The following MFAP3 variants were observed in gnomAD, a reference collection of about 807,000 sequenced individuals.
MFAP3 encodes microfibril-associated glycoprotein 3.
In MFAP3, 8 loss-of-function variants were observed where a neutral mutation model predicts 20.5. That is an observed-to-expected ratio of 0.39 (90% confidence interval 0.23 to 0.70). MFAP3 has a LOEUF of 0.70. MFAP3 is among the 30% of genes least tolerant of loss of function. MFAP3 has a pLI of 0.44. For synonymous variants in MFAP3, 140 were observed against 154.0 expected, an observed-to-expected ratio of 0.91 and a Z score of 0.67; for missense variants, 398 against 444.6, an observed-to-expected ratio of 0.90 and a Z score of 0.94.
chr5:154,050,067 C>G (rs1773152778), intron 2 of MFAP3, 50 bp downstream of exon 2: 7 of 1,523,668 alleles, frequency 4.6e-6, no homozygotes, highest in Non-Finnish European at 6.2e-6. Context: ...CCTGTTCTGT[C>G]TTCTTATTTT....
chr5:154,056,481 A>G lies in MFAP3; in HGVS notation c.*2768A>G, dbSNP rs1773336645. Among the ~76,000 whole-genome samples the G allele has an allele frequency of 6.6e-6, 1 of 152,222 alleles. No homozygotes were observed. Among genetic ancestry groups the G allele is most frequent in the Admixed American group, 6.5e-5 (1 of 15,280 alleles). On this transcript the variant is annotated 3_prime_UTR_variant, in exon 3 of 3. Coordinates refer to ENST00000522782, the MANE Select transcript of MFAP3 (RefSeq NM_005927.5). ...AATCAACCTTTTGAACTTCAACTAC[A>G]GTCTAAAAGTCTTGATGGTAACTAT...
intron 2 of MFAP3, among the ~76,000 whole-genome samples, chr5:154,052,665 A>G (rs1371104769): frequency 6.6e-6 from 1 of 152,166 alleles, no homozygotes; most frequent in East Asian, 1.9e-4. Flanking sequence ...GAAGTCTAGC[A>G]GTGAAAAGGA....
intron 1 of MFAP3, among the ~76,000 whole-genome samples, chr5:154,044,880 A>C (rs535043515): frequency 6.6e-6 from 1 of 151,608 alleles, no homozygotes; most frequent in Non-Finnish European, 1.5e-5. Context: ...TTGCACATTC[A>C]TCTTCACTTT....
chr5:154,044,529 T>A (rs1773031855), intron 1 of MFAP3, among the ~76,000 whole-genome samples: 1 of 152,246 alleles, frequency 6.6e-6, no homozygotes, highest in African/African-American at 2.4e-5. Flanking sequence ...GTGCCCAGTA[T>A]TAACTGGATG....
In MFAP3 at chr5:154,049,609, A is replaced by G. The variant is rs478020; in HGVS notation, c.-114A>G. The G allele has an allele frequency of 0.62, 627,692 of 1,010,402 alleles. 197,175 individuals are homozygous for G. The highest frequency in any genetic ancestry group is 0.76 in the East Asian group (29,525 of 39,004). The allele number at this position is 1,010,402 out of a possible 1,614,324, so 62.6% of individuals were successfully genotyped here. A position where few individuals can be genotyped will look rare whatever the true frequency, so the allele number is the denominator to read the frequency against. Reference sequence around the variant, plus strand: ...AAGACTAGAAAATATAACTGGATCTACCACTTGTTTGGAAAATTTCTCTAC... The same window carrying G: ...AAGACTAGAAAATATAACTGGATCTGCCACTTGTTTGGAAAATTTCTCTAC... On this transcript the variant is annotated 5_prime_UTR_variant, in exon 2 of 3. Transcript: ENST00000522782.
intron 2 of MFAP3, chr5:154,051,824 A>G (rs1187195491): frequency 6.6e-6 from 1 of 152,206 alleles, no homozygotes; most frequent in African/African-American, 2.4e-5. Context: ...CCAGAACCAT[A>G]GAATCTTGGG....
chr5:154,049,849 T>G lies in MFAP3; in HGVS notation c.127T>G (p.Ser43Ala). ...AGCAAATCGTAGTTCTTACAATGCA[T>G]CCTTTCCCTCAAGCTTTGAACTCTC... is the stretch of plus-strand genomic sequence containing the variant. Reference protein sequence around the residue: ...LEANRSSYNASFPSSFELSAS... With the variant: ...LEANRSSYNAAFPSSFELSAS... Residue 43 changes from serine (S) to alanine (A), a missense_variant, in exon 2 of 3, where the codon TCC becomes GCC. Ser to Ala is a moderately conservative substitution (Grantham distance 99). Coordinates refer to ENST00000522782, the MANE Select transcript of MFAP3 (RefSeq NM_005927.5). The G allele has an allele frequency of 6.2e-7, 1 of 1,613,744 alleles. No individual in the cohort carries two copies. The highest frequency in any genetic ancestry group is 8.5e-7 in the Non-Finnish European group (1 of 1,179,736).
intron 1 of MFAP3, among the ~76,000 whole-genome samples, chr5:154,040,061 G>A (rs1415753184): frequency 6.6e-6 from 1 of 152,146 alleles, no homozygotes; most frequent in Admixed American, 6.5e-5. Flanking sequence ...AATGGAAAAT[G>A]CATAGAATTT....
intron 2 of MFAP3, among the ~76,000 whole-genome samples, chr5:154,052,563 T>C (rs1317480455): frequency 6.6e-6 from 1 of 152,204 alleles, no homozygotes; most frequent in African/African-American, 2.4e-5. Context: ...TGCAATGTGA[T>C]GTAGACGGAC....
chr5:154,043,740 A>ATTT (rs1481748986), intron 1 of MFAP3, among the ~76,000 whole-genome samples: 10 of 103,592 alleles, frequency 9.7e-5, no homozygotes, highest in African/African-American at 3.8e-4. Context: ...ATATATATAT[A>ATTT]TATTTTTTTT....
chr5:154,053,712 A>T lies in MFAP3; in HGVS notation c.1088A>T (p.Ter363LeuextTer5), dbSNP rs746896909. The change falls in exon 3 of 3, where the codon TAA (stop) becomes TTA (leucine). Residue 363 changes from the stop codon to leucine (L), a stop_lost. Coordinates refer to ENST00000522782, the MANE Select transcript of MFAP3 (RefSeq NM_005927.5). The part of the protein sequence containing the change: ...KDGAYENCQL[*>L] ...GGGGCATATGAAAACTGTCAGCTGT[A>T]ACCTACAATGCTGTAACCCAGTACC... 5 of 1,607,534 alleles carry T rather than the reference A, an allele frequency of 3.1e-6. No homozygotes were observed. The highest frequency in any genetic ancestry group is 4.3e-6 in the Non-Finnish European group (5 of 1,175,986).
intron 1 of MFAP3, among the ~76,000 whole-genome samples, chr5:154,041,961 A>G (rs182318449): frequency 1.3e-5 from 2 of 152,384 alleles, no homozygotes; most frequent in South Asian, 2.1e-4. Context: ...TTTATTTAAT[A>G]AATGTGAAAA....
Position 154,053,667 on chromosome 5 carries a change from C to CT in MFAP3, c.1044dup (p.Asn349Ter). 2 of 1,613,684 alleles carry CT rather than the reference C, an allele frequency of 1.2e-6. No individual in the cohort carries two copies. The highest frequency in any genetic ancestry group is 1.7e-6 in the Non-Finnish European group (2 of 1,179,734). On this transcript the variant is annotated frameshift_variant, in exon 3 of 3. Transcript: ENST00000522782. LOFTEE classifies it high-confidence loss of function. The stretch of plus-strand genomic sequence containing the variant: ...CCTGATGATATAGGATCTGCAGAAT[C>CT]TAACTGTAACTACAAAGATGGGGCA...
rs1214646634 is a variant in MFAP3, at chr5:154,056,727, A to G, written c.*3014A>G. On this transcript the variant is annotated 3_prime_UTR_variant, in exon 3 of 3. Coordinates refer to ENST00000522782, the MANE Select transcript of MFAP3 (RefSeq NM_005927.5). ...CCTTACCAGCTGAAGCCAGATAGAC[A>G]GGTATTAATTGAGCTGATGCCCCAC... 6.6e-6 allele frequency among the ~76,000 whole-genome samples: 1 copy of G among 152,234 alleles called. No homozygotes were observed. The highest frequency in any genetic ancestry group is 1.5e-5 in the Non-Finnish European group (1 of 68,034).
At chr5:154,044,723 G>A (rs1353090911) in intron 1 of MFAP3, among the ~76,000 whole-genome samples, 1 of 152,142 alleles carries the variant, frequency 6.6e-6, no homozygotes, top group African/African-American at 2.4e-5. Context: ...GGCCACATGG[G>A]CAGTTTGCTT....
intron 1 of MFAP3, among the ~76,000 whole-genome samples, chr5:154,042,335 A>G (rs1451276557): frequency 6.6e-6 from 1 of 152,226 alleles, no homozygotes; most frequent in Non-Finnish European, 1.5e-5. Flanking sequence ...GTATAACTGA[A>G]ATAATCCTGG....
chr5:154,048,398 G>A (rs1007506444), intron 1 of MFAP3, among the ~76,000 whole-genome samples: 4 of 152,180 alleles, frequency 2.6e-5, no homozygotes, highest in East Asian at 1.9e-4. Context: ...CATTTGCACC[G>A]TATTGTAATT....
At chr5:154,050,464 A>T (rs1773162508) in intron 2 of MFAP3, among the ~76,000 whole-genome samples, 1 of 152,148 alleles carries the variant, frequency 6.6e-6, no homozygotes, top group Non-Finnish European at 1.5e-5. Context: ...TATAAATAAA[A>T]AAGTTTTGCT....
chr5:154,045,532 T>C lies in MFAP3; in HGVS notation c.-166-4025T>C, dbSNP rs528595392. Among the ~76,000 whole-genome samples, 5 of 152,316 alleles carry C rather than the reference T, an allele frequency of 3.3e-5. 1 individual carries two copies. Among genetic ancestry groups the C allele is most frequent in the Admixed American group, 2.6e-4 (4 of 15,302 alleles). ...TCTGAGTGTTTTATAATGATGTAAC[T>C]ATCAAATGTAAATTTTAGTTCAATA... On this transcript the variant is annotated intron_variant, in intron 1 of 2. Coordinates refer to ENST00000522782, the MANE Select transcript of MFAP3 (RefSeq NM_005927.5).
Sources: gnomAD v4.1 joint callset for allele counts (sites outside exome capture counted in the v4.1 genomes callset) on GRCh38, gnomAD v4.1.1 for gene constraint, MANE v1.5 for transcripts, NCBI Gene and HGNC (gene_info 2026-07-23, HGNC 2026-07-21) for gene names.